Variants in LPP observed in about 807,000 individuals in gnomAD.
LPP encodes lipoma-preferred partner.
Under a neutral mutation model 60.4 loss-of-function variants are expected in LPP, and 38 were observed. The ratio of observed to expected loss-of-function variants is 0.63; its 90% CI spans 0.49 to 0.83. The LOEUF (loss-of-function observed/expected upper bound fraction) is 0.83, where lower values mean the gene tolerates loss of function less well. Among genes scored for constraint, LPP ranks in the 40% least tolerant of loss-of-function variants. LPP has a pLI of 0.00. For missense variants in LPP, 902 were observed against 783.6 expected, an observed-to-expected ratio of 1.15 and a Z score of -1.80; for synonymous variants, 328 against 290.8, an observed-to-expected ratio of 1.13 and a Z score of -1.30.
chr3:188,290,168 G>T (rs1007240097), intron 2 of LPP, among the ~76,000 whole-genome samples: 4 of 151,990 alleles, frequency 2.6e-5, no homozygotes, highest in Non-Finnish European at 5.9e-5. Flanking sequence ...TAGAGACGAG[G>T]TTTCACCATG....
At chr3:188,461,112 A>G (rs1202027913) in intron 4 of LPP, among the ~76,000 whole-genome samples, 5 of 152,174 alleles carry the variant, frequency 3.3e-5, no homozygotes, top group African/African-American at 1.2e-4. Flanking sequence ...CAGTACAGAA[A>G]AAGAGTTTCT....
At chr3:188,345,826 A>C (rs535112786) in intron 3 of LPP, among the ~76,000 whole-genome samples, 4 of 152,288 alleles carry the variant, frequency 2.6e-5, no homozygotes, top group African/African-American at 9.6e-5. Context: ...CACTGGACCT[A>C]AGCACTTACC....
Position 188,829,038 on chromosome 3 carries a change from A to T in LPP, c.1411-37162A>T, listed in dbSNP as rs9985234. ...CTTTTATCGGCAAAGACCACCTCTCATTTATCTCTATACCCCCCATTGTGC... is the reference window on the plus strand; with the variant it reads ...CTTTTATCGGCAAAGACCACCTCTCTTTTATCTCTATACCCCCCATTGTGC... On this transcript the variant is annotated intron_variant, in intron 9 of 11. Coordinates refer to ENST00000617246, the MANE Select transcript of LPP (RefSeq NM_001375462.1). 2.6e-5 allele frequency among the ~76,000 whole-genome samples: 4 copies of T among 151,986 alleles called. No individual in the cohort carries two copies. The East Asian group carries it at 7.7e-4, about 29-fold the overall frequency.
rs773034327 is a variant in LPP at position 188,876,352 on chromosome 3, C to T, written c.*1873C>T. Reference sequence around the variant, plus strand: ...TGGCTCATTTGCTTTTGTCACTAAACGGTTTTGTGTTAGAACCACCAAAAT... The same window carrying T: ...TGGCTCATTTGCTTTTGTCACTAAATGGTTTTGTGTTAGAACCACCAAAAT... On this transcript the variant is annotated 3_prime_UTR_variant, in exon 12 of 12. Transcript: ENST00000617246. 30 of 190,706 alleles carry T rather than the reference C, an allele frequency of 1.6e-4. No individual in the cohort carries two copies. Among genetic ancestry groups the T allele is most frequent in the Non-Finnish European group, 1.7e-4 (15 of 90,736 alleles). The allele number at this position is 190,706 out of a possible 1,614,324, so 11.8% of individuals were successfully genotyped here.
At chr3:188,472,375 G>T (rs1192514008) in intron 4 of LPP, among the ~76,000 whole-genome samples, 1 of 151,880 alleles carries the variant, frequency 6.6e-6, no homozygotes, top group Non-Finnish European at 1.5e-5. Context: ...GTCAGCTCCA[G>T]TATTCCTTTG....
chr3:188,526,828 A>C (rs1228516238), intron 6 of LPP, among the ~76,000 whole-genome samples: 1 of 152,184 alleles, frequency 6.6e-6, no homozygotes, highest in African/African-American at 2.4e-5. Context: ...AAAGGTGGAT[A>C]GTTGAGAGGA....
chr3:188,347,050 C>T (rs368189921), intron 3 of LPP, among the ~76,000 whole-genome samples: 2 of 152,206 alleles, frequency 1.3e-5, no homozygotes, highest in South Asian at 4.2e-4. Flanking sequence ...GTATATAATC[C>T]TATAAAATAG....
intron 7 of LPP, among the ~76,000 whole-genome samples, chr3:188,676,499 A>G (rs1369063167): frequency 1.3e-5 from 2 of 152,214 alleles, no homozygotes; most frequent in African/African-American, 4.8e-5. Context: ...ATATTTGAAA[A>G]GATTAAAACA....
intron 9 of LPP, among the ~76,000 whole-genome samples, chr3:188,779,972 G>C (rs1739120944): frequency 6.6e-6 from 1 of 151,646 alleles, no homozygotes; most frequent in South Asian, 2.1e-4. Context: ...TATATATGAG[G>C]AAATAAAGGC....
chr3:188,257,889 G>T (rs1280754011), intron 2 of LPP, among the ~76,000 whole-genome samples: 1 of 152,200 alleles, frequency 6.6e-6, no homozygotes, highest in Non-Finnish European at 1.5e-5. Context: ...ATGTTGGTTT[G>T]CCTAACTGCA....
chr3:188,673,450 A>G (rs1026577367), intron 7 of LPP, among the ~76,000 whole-genome samples: 16 of 152,228 alleles, frequency 1.1e-4, no homozygotes, highest in African/African-American at 3.9e-4. Context: ...TACAGCCTCT[A>G]TAATTAATCA....
At chr3:188,872,492 G>T (rs1768370064) in intron 10 of LPP, 151 bp from the exon 11 acceptor site, 9 of 774,536 alleles carry the variant, frequency 1.2e-5, no homozygotes, top group Non-Finnish European at 1.9e-5. Context: ...ATTGATGGAA[G>T]AACCTCCACA....
intron 5 of LPP, among the ~76,000 whole-genome samples, chr3:188,524,142 T>G (rs1819795731): frequency 6.6e-6 from 1 of 152,178 alleles, no homozygotes; most frequent in African/African-American, 2.4e-5. Context: ...GGTGCATCTC[T>G]TGGGTCTTGC....
intron 2 of LPP, among the ~76,000 whole-genome samples, chr3:188,256,934 A>G (rs1731867276): frequency 2.0e-5 from 3 of 152,180 alleles, no homozygotes; most frequent in African/African-American, 4.8e-5. Context: ...ATTAATTTGC[A>G]GATTGTTTCC....
chr3:188,246,323 A>G (rs1440332267), intron 2 of LPP, among the ~76,000 whole-genome samples: 1 of 152,164 alleles, frequency 6.6e-6, no homozygotes, highest in East Asian at 1.9e-4. Flanking sequence ...TGTAATTATC[A>G]GCCTCAATAA....
chr3:188,285,038 CA>C (rs1254091873), intron 2 of LPP, among the ~76,000 whole-genome samples: 1 of 151,932 alleles, frequency 6.6e-6, no homozygotes, highest in Non-Finnish European at 1.5e-5. Context: ...AAAAAATGAA[CA>C]AACAGGGCAT....
intron 1 of LPP, among the ~76,000 whole-genome samples, chr3:188,164,656 A>G: frequency 6.6e-6 from 1 of 152,194 alleles, no homozygotes; most frequent in East Asian, 1.9e-4. Flanking sequence ...TTTTCTTAGA[A>G]TGAGGTGAAA....
intron 5 of LPP, among the ~76,000 whole-genome samples, chr3:188,503,865 T>C (rs770139979): frequency 1.1e-4 from 16 of 152,326 alleles, no homozygotes; most frequent in Non-Finnish European, 1.9e-4. Context: ...TTCAAAATTC[T>C]CCGGTTGTCT....
intron 2 of LPP, among the ~76,000 whole-genome samples, chr3:188,277,917 A>G (rs114989903): frequency 1.3e-3 from 202 of 152,280 alleles, no homozygotes; most frequent in African/African-American, 4.8e-3. Context: ...GCCAGTGATG[A>G]CCCTTTAGTA....
Sources: allele counts gnomAD v4.1 joint callset (sites outside exome capture counted in the v4.1 genomes callset), GRCh38; gene constraint gnomAD v4.1.1; transcripts MANE v1.5; gene names NCBI Gene and HGNC (gene_info 2026-07-23, HGNC 2026-07-21).